SPATA13: variants seen among roughly 807,000 people sequenced by gnomAD.
SPATA13 encodes the protein spermatogenesis-associated protein 13.
Under a neutral mutation model 104.0 loss-of-function variants are expected in SPATA13, and 50 were observed. The observed-to-expected ratio is 0.48, with a 90% CI of 0.38 to 0.61. The LOEUF (loss-of-function observed/expected upper bound fraction) is 0.61, where lower values mean the gene tolerates loss of function less well. Ranked by LOEUF, SPATA13 falls within the 20% of genes least tolerant of loss-of-function variation. The probability of loss-of-function intolerance (pLI) is 0.00; values close to 1 mark genes in which losing one functional copy is unlikely to be tolerated. For synonymous variants in SPATA13, 606 were observed against 667.5 expected (o/e 0.91, Z 1.42); for missense variants, 1,524 against 1,690.6 (o/e 0.90, Z 1.73).
intron 12 of SPATA13, among the ~76,000 whole-genome samples, chr13:24,301,044 T>C (rs1264676221): frequency 6.6e-6 from 1 of 152,196 alleles, no homozygotes; most frequent in African/African-American, 2.4e-5. Flanking sequence ...TCAAAAATGC[T>C]GATGCCCAGG....
In SPATA13 at chr13:24,115,452, T is replaced by C. The variant is rs549552490; in HGVS notation, c.-112+97751T>C. ...GATCATCAGGGGCATTAGATTCTCA[T>C]AGGAGCGTGAACCCTATTGCAAACC... On this transcript the variant is annotated intron_variant, in intron 3 of 14. Transcript: ENST00000424834. Among the ~76,000 whole-genome samples the C allele has an allele frequency of 4.6e-5, 7 of 152,380 alleles. No homozygotes were observed. In the East Asian group the frequency reaches 5.8e-4, roughly 13 times the overall value.
rs528088310 is a variant in SPATA13 at position 24,304,890 on chromosome 13, T to C, written c.*2117T>C. On this transcript the variant is annotated 3_prime_UTR_variant, in exon 13 of 13. Coordinates refer to ENST00000382108, the MANE Select transcript of SPATA13 (RefSeq NM_001166271.3). ...CCTTCTTGAACAGACATTCCAACTT[T>C]AGATGTGTTTATAGAACTGACCTTT... is the stretch of plus-strand genomic sequence containing the variant. 3 of 152,204 alleles carry C rather than the reference T, an allele frequency of 2.0e-5. No individual in the cohort carries two copies. The highest frequency in any genetic ancestry group is 1.3e-4 in the Admixed American group (2 of 15,278). The allele number at this position is 152,204 out of a possible 1,614,324, so 9.4% of individuals were successfully genotyped here.
chr13:24,116,780 C>CA (rs1491337824), intron 3 of SPATA13, among the ~76,000 whole-genome samples: 4 of 150,818 alleles, frequency 2.7e-5, no homozygotes, highest in Admixed American at 6.6e-5. Flanking sequence ...CCCCCCCCCC[C>CA]CAATGTGCTG....
rs77653886 is a variant in SPATA13, at chr13:24,043,341, C to T, written c.-112+25640C>T. ...TACCCTTTTTTGTGGTCAAACACCA[C>T]GTCCACTTCTCCCATCTCAGCAGCA... On this transcript the variant is annotated intron_variant, in intron 3 of 14. Transcript: ENST00000424834. 6.4e-3 allele frequency among the ~76,000 whole-genome samples: 967 copies of T among 152,240 alleles called. 34 individuals are homozygous for T. In the East Asian group the frequency reaches 0.11, roughly 18 times the overall value.
At chr13:24,070,897 C>T (rs1879136458) in intron 3 of SPATA13, among the ~76,000 whole-genome samples, 2 of 152,162 alleles carry the variant, frequency 1.3e-5, no homozygotes, top group Non-Finnish European at 2.9e-5. Context: ...GAACTATGTC[C>T]TCAGCTCTCC....
In SPATA13 at chr13:24,088,194, C is replaced by A. The variant is rs944682274; in HGVS notation, c.-112+70493C>A. On this transcript the variant is annotated intron_variant, in intron 3 of 14. Coordinates refer to the SPATA13 transcript ENST00000424834. This position sits in a 1 kb window ranked among gnomAD's most constrained non-coding sequence, Gnocchi z 4.3. The stretch of plus-strand genomic sequence containing the variant: ...GAGGTGTGTCCTGGCAGACAGGGAA[C>A]TGGCGTGTTAATGCTCCCTAGGCAG... Among the ~76,000 whole-genome samples the A allele has an allele frequency of 6.6e-6, 1 of 152,194 alleles. No individual in the cohort carries two copies. Among genetic ancestry groups the A allele is most frequent in the African/African-American group, 2.4e-5 (1 of 41,438 alleles).
intron 3 of SPATA13, among the ~76,000 whole-genome samples, chr13:24,019,545 G>A (rs371275777): frequency 3.1e-4 from 47 of 152,254 alleles, no homozygotes; most frequent in African/African-American, 1.1e-3. Flanking sequence ...GTATTTTAAA[G>A]CATTTTTAAT....
chr13:24,297,679 G>C lies in SPATA13; in HGVS notation c.3527G>C (p.Arg1176Thr). The change falls in exon 11 of 13, where the codon AGG (arginine) becomes ACG (threonine). Residue 1176 changes from arginine (R) to threonine (T), a missense_variant. Arg to Thr is a moderately conservative substitution (Grantham distance 71). Around this residue, in one of 2 missense-constraint regions of SPATA13, gnomAD observed 435 missense variants for 554.8 expected, o/e 0.78. Transcript: ENST00000382108. ...FCAKKQEDKA[R>T]WLQACADERR... ...GCCAAAAAACAAGAAGACAAGGCGA[G>C]GTGGCTGCAGGCCTGTGCAGATGAA... is the stretch of plus-strand genomic sequence containing the variant. 1 of 1,614,250 alleles carries C rather than the reference G, an allele frequency of 6.2e-7. No homozygotes were observed. The highest frequency in any genetic ancestry group is 8.5e-7 in the Non-Finnish European group (1 of 1,180,050).
At position 24,134,055 on chromosome 13, in the gene SPATA13, G is replaced by A. The variant is rs117006076; in HGVS notation, c.-111-88764G>A. Among the ~76,000 whole-genome samples, 143 of 152,296 alleles carry A rather than the reference G, an allele frequency of 9.4e-4. 2 individuals carry two copies. The East Asian group carries it at 0.023, about 24-fold the overall frequency. On this transcript the variant is annotated intron_variant, in intron 3 of 14. Coordinates refer to the SPATA13 transcript ENST00000424834. ...GGTTGCTGGCGGGAGGTGGGGAGCA[G>A]GTAGGAAGATGTAGCAAATGGTCCA...
chr13:24,236,075 G>C (rs1160600207), intron 2 of SPATA13, among the ~76,000 whole-genome samples: 1 of 152,094 alleles, frequency 6.6e-6, no homozygotes, highest in Non-Finnish European at 1.5e-5. Flanking sequence ...TGAGGGGTGG[G>C]GTCGGGCCTG....
chr13:24,090,789 G>T (rs1363287400), intron 3 of SPATA13, among the ~76,000 whole-genome samples: 1 of 152,138 alleles, frequency 6.6e-6, no homozygotes, highest in African/African-American at 2.4e-5. Flanking sequence ...TGGGCCCCTT[G>T]GACAGTTTCT....
At chr13:24,044,618 G>A (rs1593296452) in intron 3 of SPATA13, among the ~76,000 whole-genome samples, 2 of 152,198 alleles carry the variant, frequency 1.3e-5, no homozygotes, top group Non-Finnish European at 1.5e-5. Context: ...TTTAATGATC[G>A]AATCGGGGTA....
At chr13:24,260,405 C>T (rs957487416) in intron 4 of SPATA13, among the ~76,000 whole-genome samples, 12 of 152,330 alleles carry the variant, frequency 7.9e-5, no homozygotes, top group Non-Finnish European at 8.8e-5. Flanking sequence ...GTGTGGCCTG[C>T]GCTTGCCTTC....
At chr13:24,299,241 A>G (rs1877008527) in intron 11 of SPATA13, among the ~76,000 whole-genome samples, 1 of 152,192 alleles carries the variant, frequency 6.6e-6, no homozygotes, top group African/African-American at 2.4e-5. Flanking sequence ...TGTGCTTTCA[A>G]CAGTGTCTCT....
intron 2 of SPATA13, among the ~76,000 whole-genome samples, chr13:24,010,093 A>G (rs1876402155): frequency 6.6e-6 from 1 of 152,220 alleles, no homozygotes; most frequent in Admixed American, 6.5e-5. Flanking sequence ...GAAAGGTGGG[A>G]CCACTCGAAG....
chr13:24,144,800 C>A, intron 3 of SPATA13, among the ~76,000 whole-genome samples: 1 of 152,290 alleles, frequency 6.6e-6, no homozygotes, highest in Admixed American at 6.5e-5. Flanking sequence ...TCGTGCAGTA[C>A]GGTATGCTGA....
At chr13:24,248,040 T>C (rs545057054) in intron 2 of SPATA13, among the ~76,000 whole-genome samples, 1 of 152,340 alleles carries the variant, frequency 6.6e-6, no homozygotes, top group South Asian at 2.1e-4. Flanking sequence ...ATGGCCTGAC[T>C]GACAGCCCTT....
chr13:24,024,572 G>A (rs1409432899), intron 3 of SPATA13, among the ~76,000 whole-genome samples: 1 of 151,906 alleles, frequency 6.6e-6, no homozygotes, highest in African/African-American at 2.4e-5. Context: ...CACACAGCAC[G>A]GTTCTACAGA....
chr13:23,984,091 G>T (rs1219355002), intron 2 of SPATA13, among the ~76,000 whole-genome samples: 1 of 152,250 alleles, frequency 6.6e-6, no homozygotes, highest in Non-Finnish European at 1.5e-5. Context: ...TAATTGGAAC[G>T]TGTGGCAAGA....
Sources: gnomAD v4.1 joint callset for allele counts (sites outside exome capture counted in the v4.1 genomes callset) on GRCh38, gnomAD v4.1.1 for gene constraint, gnomAD v4.1.1 regional missense constraint, Gnocchi (gnomAD v3.1) non-coding constraint, MANE v1.5 for transcripts, NCBI Gene and HGNC (gene_info 2026-07-23, HGNC 2026-07-21) for gene names.